The following ASTN2 variants were observed in gnomAD, a reference collection of about 807,000 sequenced individuals.
ASTN2 encodes the protein astrotactin 2.
Under a neutral mutation model 139.8 loss-of-function variants are expected in ASTN2, and 54 were observed. The observed-to-expected ratio is 0.39, with a 90% CI of 0.31 to 0.48. The LOEUF is 0.48. Ranked by LOEUF, ASTN2 falls within the 20% of genes least tolerant of loss-of-function variation. The probability of loss-of-function intolerance (pLI) is 0.95; values close to 1 mark genes in which losing one functional copy is unlikely to be tolerated. For missense variants in ASTN2, 1,565 were observed against 1,725.1 expected (o/e 0.91, Z 1.64); for synonymous variants, 756 against 719.5 (o/e 1.05, Z -0.81).
chr9:116,998,570 C>CATCCATCCATCT (rs1837089726), intron 7 of ASTN2, among the ~76,000 whole-genome samples: 1 of 147,598 alleles, frequency 6.8e-6, no homozygotes, highest in Non-Finnish European at 1.5e-5. Context: ...TCCATCCATC[C>CATCCATCCATCT]ATACATCCAT....
At chr9:117,106,727 C>T (rs868324841) in intron 4 of ASTN2, among the ~76,000 whole-genome samples, 2 of 152,102 alleles carry the variant, frequency 1.3e-5, no homozygotes, top group African/African-American at 4.8e-5. Context: ...AACTAGGTTT[C>T]ATTGTCTTGT....
intron 1 of ASTN2, among the ~76,000 whole-genome samples, chr9:117,358,043 T>C (rs1012239611): frequency 3.9e-5 from 6 of 152,184 alleles, no homozygotes; most frequent in Non-Finnish European, 7.3e-5. Flanking sequence ...ACTGAACACG[T>C]GGGAAATCAC....
In ASTN2 at chr9:117,008,203, G is replaced by A. The variant is rs1824464295; in HGVS notation, c.1480C>T (p.Pro494Ser). The change falls in exon 7 of 23, where the codon CCG (proline) becomes TCG (serine). Residue 494 changes from proline to serine, a missense_variant. Pro to Ser is a moderately conservative substitution (Grantham distance 74). Coordinates refer to ENST00000313400, the MANE Select transcript of ASTN2 (RefSeq NM_001365068.1). ...SYLDISDWLN[P>S]AKLSLYYQIN... ...TGGTAATACAGGGAAAGCTTGGCCG[G>A]GTTTAACCAGTCGGAGATGTCCAGG... 6.2e-7 allele frequency: 1 copy of A among 1,610,486 alleles called. No individual in the cohort carries two copies. The highest frequency in any genetic ancestry group is 8.5e-7 in the Non-Finnish European group (1 of 1,178,402).
intron 10 of ASTN2, among the ~76,000 whole-genome samples, chr9:116,966,477 A>C (rs1000327036): frequency 1.3e-5 from 2 of 152,198 alleles, no homozygotes; most frequent in African/African-American, 4.8e-5. Context: ...TTGGTGCTGA[A>C]CAATGTTTGA....
At chr9:117,400,497 G>T (rs1233159263) in intron 1 of ASTN2, among the ~76,000 whole-genome samples, 1 of 152,202 alleles carries the variant, frequency 6.6e-6, no homozygotes, top group Non-Finnish European at 1.5e-5. Flanking sequence ...GGGAGGGACA[G>T]TAGGAACCCT....
At position 117,187,290 on chromosome 9, in the gene ASTN2, C is replaced by T. The variant is rs114885026; in HGVS notation, c.1015+27068G>A. Among the ~76,000 whole-genome samples, 430 of 152,120 alleles carry T rather than the reference C, an allele frequency of 2.8e-3. 3 individuals are homozygous for T. Among genetic ancestry groups the T allele is most frequent in the African/African-American group, 0.01 (419 of 41,476 alleles). On this transcript the variant is annotated intron_variant, in intron 3 of 22. Transcript: ENST00000313400. ...GAAAAACCTGAAGGAACTGGGGGAACAAGCCATGCAAAGCCCTGAGGAAAG... is the reference window on the plus strand; with the variant it reads ...GAAAAACCTGAAGGAACTGGGGGAATAAGCCATGCAAAGCCCTGAGGAAAG...
intron 20 of ASTN2, among the ~76,000 whole-genome samples, chr9:116,459,036 G>C (rs1848410578): frequency 6.6e-6 from 1 of 152,016 alleles, no homozygotes. Context: ...TCAAGACTGT[G>C]AGACACCAGT....
chr9:116,993,380 G>A (rs187276823), intron 7 of ASTN2, among the ~76,000 whole-genome samples: 4 of 151,748 alleles, frequency 2.6e-5, no homozygotes, highest in Admixed American at 1.3e-4. Context: ...ACACCTTTTC[G>A]GTTGTGCCTG....
chr9:116,613,014 G>A (rs530039189), intron 19 of ASTN2: 4 of 151,820 alleles, frequency 2.6e-5, no homozygotes, highest in Admixed American at 6.6e-5. Flanking sequence ...GAATCAAATA[G>A]ACGCAATAAA....
intron 13 of ASTN2, among the ~76,000 whole-genome samples, chr9:116,774,726 C>T (rs1470496719): frequency 1.3e-5 from 2 of 152,070 alleles, no homozygotes; most frequent in Admixed American, 1.3e-4. Flanking sequence ...GAAGCTTGTT[C>T]ATATTTACCA....
intron 19 of ASTN2, among the ~76,000 whole-genome samples, chr9:116,505,486 C>T (rs1482126238): frequency 6.6e-6 from 1 of 152,126 alleles, no homozygotes; most frequent in Admixed American, 6.6e-5. Flanking sequence ...CAAAGAACCA[C>T]CTTTGGATTC....
chr9:117,363,029 C>T (rs1829735998), intron 1 of ASTN2, among the ~76,000 whole-genome samples: 1 of 152,138 alleles, frequency 6.6e-6, no homozygotes, highest in South Asian at 2.1e-4. Context: ...GTGGGGATCT[C>T]TCCTGCTTTT....
rs562876914 is a variant in ASTN2 at position 117,076,613 on chromosome 9, T to C, written c.1276+19431A>G. Among the ~76,000 whole-genome samples, 226 of 151,980 alleles carry C rather than the reference T, an allele frequency of 1.5e-3. 1 individual carries two copies. Among genetic ancestry groups the C allele is most frequent in the Admixed American group, 2.6e-3 (39 of 15,260 alleles). ...TGGGATGAAGAGGACAAGAGTGGGG[T>C]GAAGGAGACCAGTTAGGAGGCTGTT... On this transcript the variant is annotated intron_variant, in intron 5 of 22. Transcript: ENST00000313400.
At chr9:116,443,543 C>A (rs965583950) in intron 20 of ASTN2, among the ~76,000 whole-genome samples, 4 of 152,028 alleles carry the variant, frequency 2.6e-5, no homozygotes, top group African/African-American at 9.7e-5. Context: ...CAAGTCTAAT[C>A]CAGAGCACAT....
At chr9:117,050,192 T>TGA (rs1434989417) in intron 5 of ASTN2, among the ~76,000 whole-genome samples, 1 of 152,098 alleles carries the variant, frequency 6.6e-6, no homozygotes, top group Non-Finnish European at 1.5e-5. Context: ...CAGTGAGTGC[T>TGA]GAGGAACAGA....
At chr9:117,260,687 G>C (rs1180027605) in intron 2 of ASTN2, among the ~76,000 whole-genome samples, 1 of 152,062 alleles carries the variant, frequency 6.6e-6, no homozygotes, top group African/African-American at 2.4e-5. Context: ...AGTGGTAAGG[G>C]AGAAGTCACA....
At chr9:116,459,871 T>A (rs527600824) in intron 20 of ASTN2, among the ~76,000 whole-genome samples, 1 of 152,220 alleles carries the variant, frequency 6.6e-6, no homozygotes, top group South Asian at 2.1e-4. Context: ...CACACAGAGT[T>A]ATCATATGAC....
chr9:117,400,506 C>T (rs1386204370), intron 1 of ASTN2, among the ~76,000 whole-genome samples: 3 of 152,148 alleles, frequency 2.0e-5, no homozygotes, highest in South Asian at 2.1e-4. Context: ...AGTAGGAACC[C>T]TGCCATTGGC....
intron 11 of ASTN2, among the ~76,000 whole-genome samples, chr9:116,850,293 G>C (rs1832563224): frequency 6.6e-6 from 1 of 152,182 alleles, no homozygotes; most frequent in Admixed American, 6.5e-5. Flanking sequence ...GATGGGTGAA[G>C]TGCACATCAT....
Sources: allele counts gnomAD v4.1 joint callset (sites outside exome capture counted in the v4.1 genomes callset), GRCh38; gene constraint gnomAD v4.1.1; transcripts MANE v1.5; gene names NCBI Gene and HGNC (gene_info 2026-07-23, HGNC 2026-07-21).